KIAA0825: variants seen among roughly 807,000 people sequenced by gnomAD.
The protein encoded by KIAA0825 is KIAA0825, also known as uncharacterized protein KIAA0825.
A neutral mutation model predicts 147.6 loss-of-function variants in KIAA0825; 119 were observed. The observed-to-expected ratio is 0.81, with a 90% CI of 0.69 to 0.94. KIAA0825 has a LOEUF of 0.94. Among genes scored for constraint, KIAA0825 ranks in the 40% least tolerant of loss-of-function variants. KIAA0825 has a pLI of 0.00. For missense variants in KIAA0825, 1,381 were observed against 1,472.7 expected, an observed-to-expected ratio of 0.94 and a Z score of 1.02; for synonymous variants, 470 against 518.1, an observed-to-expected ratio of 0.91 and a Z score of 1.26.
chr5:94,395,960 C>A (rs1276887501), intron 17 of KIAA0825, 141 bp downstream of exon 17: 1 of 740,096 alleles, frequency 1.4e-6, no homozygotes. Context: ...GGATACTTAT[C>A]TTTTTTTATA....
chr5:94,615,255 A>G (rs1790125507), intron 1 of KIAA0825, among the ~76,000 whole-genome samples: 1 of 152,144 alleles, frequency 6.6e-6, no homozygotes, highest in Non-Finnish European at 1.5e-5. Flanking sequence ...GAGTCAACTA[A>G]AGTCAGAGGA....
intron 6 of KIAA0825, among the ~76,000 whole-genome samples, chr5:94,481,955 A>AACTTTATTCCAAAGAAGC (rs1762539800): frequency 6.6e-6 from 1 of 152,036 alleles, no homozygotes; most frequent in African/African-American, 2.4e-5. Flanking sequence ...CCCAAAGAAC[A>AACTTTATTCCAAAGAAGC]ACTTTATTCC....
Position 94,565,994 on chromosome 5 carries a change from T to G in KIAA0825, c.-2+16439A>C, listed in dbSNP as rs986480543. On this transcript the variant is annotated intron_variant, in intron 2 of 20. Transcript: ENST00000682413. ...GTCTGCTTCTATCAGTTCAATTGTT[T>G]GAGATTCCACATATAAGTGAGAACA... Among the ~76,000 whole-genome samples, 4 of 152,212 alleles carry G rather than the reference T, an allele frequency of 2.6e-5. No homozygotes were observed. In the East Asian group the frequency reaches 7.7e-4, roughly 29 times the overall value.
intron 14 of KIAA0825, among the ~76,000 whole-genome samples, chr5:94,422,397 G>A (rs1457700064): frequency 1.3e-5 from 2 of 152,062 alleles, no homozygotes; most frequent in Non-Finnish European, 2.9e-5. Flanking sequence ...TTATACTTCT[G>A]CCCCACTGTT....
chr5:94,575,085 T>TA (rs1218801980), intron 2 of KIAA0825, among the ~76,000 whole-genome samples: 2 of 152,144 alleles, frequency 1.3e-5, no homozygotes, highest in Non-Finnish European at 2.9e-5. Context: ...TAGTGAAAGA[T>TA]AAAATTGAAG....
intron 15 of KIAA0825, among the ~76,000 whole-genome samples, chr5:94,409,710 A>T (rs1048789698): frequency 6.6e-6 from 1 of 152,208 alleles, no homozygotes; most frequent in African/African-American, 2.4e-5. Flanking sequence ...GAGTGGCAAG[A>T]TGTCATTGTA....
intron 12 of KIAA0825, among the ~76,000 whole-genome samples, chr5:94,453,339 A>AT (rs563316235): frequency 0.021 from 2,478 of 118,182 alleles, 47 homozygotes; most frequent in Non-Finnish European, 0.03. Flanking sequence ...CGTGTGGCTG[A>AT]TTTTTTTTTT....
intron 14 of KIAA0825, among the ~76,000 whole-genome samples, chr5:94,421,611 C>T (rs1335959837): frequency 6.6e-6 from 1 of 152,096 alleles, no homozygotes; most frequent in Non-Finnish European, 1.5e-5. Flanking sequence ...CATTTTTTCC[C>T]CCAATGTGTC....
intron 14 of KIAA0825, among the ~76,000 whole-genome samples, chr5:94,431,545 A>T (rs1415302821): frequency 6.6e-6 from 1 of 152,222 alleles, no homozygotes; most frequent in East Asian, 1.9e-4. Flanking sequence ...AAAAAGAAGT[A>T]CAGTGGGACC....
intron 20 of KIAA0825, among the ~76,000 whole-genome samples, chr5:94,376,485 T>C (rs1747589548): frequency 6.6e-6 from 1 of 152,170 alleles, no homozygotes; most frequent in Non-Finnish European, 1.5e-5. Context: ...AAGCTACCCA[T>C]CAGGAAATAA....
intron 20 of KIAA0825, among the ~76,000 whole-genome samples, chr5:94,174,002 T>A (rs1190998129): frequency 6.6e-6 from 1 of 152,192 alleles, no homozygotes; most frequent in Non-Finnish European, 1.5e-5. Flanking sequence ...CTGCATGAAA[T>A]GTGGAATACA....
At chr5:94,236,766 C>T (rs142738185) in intron 20 of KIAA0825, among the ~76,000 whole-genome samples, 2 of 152,236 alleles carry the variant, frequency 1.3e-5, no homozygotes, top group East Asian at 1.9e-4. Flanking sequence ...CTGTCAACTT[C>T]GAGACAAGAC....
chr5:94,616,023 T>C (rs558193391), intron 1 of KIAA0825, among the ~76,000 whole-genome samples: 3 of 152,220 alleles, frequency 2.0e-5, no homozygotes, highest in South Asian at 2.1e-4. Flanking sequence ...TCATGAGTCA[T>C]GGTTCCTGAC....
At chr5:94,237,067 G>GTGTGTGTC (rs1775084606) in intron 20 of KIAA0825, among the ~76,000 whole-genome samples, 1 of 151,856 alleles carries the variant, frequency 6.6e-6, no homozygotes, top group Admixed American at 6.6e-5. Context: ...GTGTGTGTGT[G>GTGTGTGTC]TGTGTCTGTG....
At chr5:94,605,687 C>T (rs1787368246) in intron 1 of KIAA0825, among the ~76,000 whole-genome samples, 2 of 152,244 alleles carry the variant, frequency 1.3e-5, no homozygotes, top group Admixed American at 1.3e-4. Flanking sequence ...TCAATAGATG[C>T]AGAAAAGGCT....
At chr5:94,572,328 G>C (rs1038410209) in intron 2 of KIAA0825, among the ~76,000 whole-genome samples, 1 of 152,140 alleles carries the variant, frequency 6.6e-6, no homozygotes, top group Non-Finnish European at 1.5e-5. Context: ...TTATCAGTAA[G>C]CACCCTTCAT....
At chr5:94,553,177 G>A (rs1027236413) in intron 2 of KIAA0825, among the ~76,000 whole-genome samples, 2 of 152,138 alleles carry the variant, frequency 1.3e-5, no homozygotes, top group Non-Finnish European at 2.9e-5. Flanking sequence ...AGTGACTCAC[G>A]CCTGTAATCC....
chr5:94,382,500 T>C (rs1026963178), intron 20 of KIAA0825, among the ~76,000 whole-genome samples: 1 of 152,204 alleles, frequency 6.6e-6, no homozygotes. Context: ...TTAATCCTTC[T>C]AAGGTGGATC....
intron 2 of KIAA0825, among the ~76,000 whole-genome samples, chr5:94,538,194 G>A (rs1022318181): frequency 9.9e-5 from 15 of 152,102 alleles, no homozygotes; most frequent in Admixed American, 2.0e-4. Flanking sequence ...AAAATCATAC[G>A]GTGAGAAGTG....
Sources: allele counts gnomAD v4.1 joint callset (sites outside exome capture counted in the v4.1 genomes callset), GRCh38; gene constraint gnomAD v4.1.1; transcripts MANE v1.5; gene names NCBI Gene and HGNC (gene_info 2026-07-23, HGNC 2026-07-21).